The following MED12L variants were observed in gnomAD, a reference collection of about 807,000 sequenced individuals.
MED12L encodes mediator of RNA polymerase II transcription subunit 12-like protein.
A neutral mutation model predicts 281.3 loss-of-function variants in MED12L; 60 were observed. That is an observed-to-expected ratio of 0.21 (90% CI 0.17 to 0.26). MED12L has a LOEUF of 0.26. Ranked by LOEUF, MED12L falls within the 10% of genes least tolerant of loss-of-function variation. The probability of loss-of-function intolerance (pLI) is 1.00; values close to 1 mark genes in which losing one functional copy is unlikely to be tolerated. For synonymous variants in MED12L, 974 were observed against 987.2 expected (o/e 0.99, Z 0.25); for missense variants, 2,146 against 2,680.9 (o/e 0.80, Z 4.41).
Position 151,156,025 on chromosome 3 carries a change from A to G in MED12L, c.557-136A>G, listed in dbSNP as rs139672130. On this transcript the variant is annotated intron_variant, in intron 5 of 44. Transcript: ENST00000687756. ...ATCCTTTTCTGAGCACTGCTTGTAC[A>G]GGCACAGATCATTTTTAGGGAGCAG... 1.1e-5 allele frequency: 8 copies of G among 724,378 alleles called. No individual in the cohort carries two copies. In the East Asian group the frequency reaches 2.4e-4, roughly 22 times the overall value. 44.9% of individuals were successfully genotyped at this position (724,378 alleles called of 1,614,324 possible).
chr3:151,114,956 T>G (rs1011136135), intron 2 of MED12L, among the ~76,000 whole-genome samples: 4 of 152,160 alleles, frequency 2.6e-5, no homozygotes, highest in Admixed American at 2.6e-4. Context: ...AGTCTAGGAT[T>G]TAGAAGATAG....
chr3:151,333,405 C>G (rs1750571471), intron 16 of MED12L, among the ~76,000 whole-genome samples: 1 of 152,166 alleles, frequency 6.6e-6, no homozygotes, highest in Admixed American at 6.5e-5. Flanking sequence ...TCACCAGTAT[C>G]TGTTATTTTT....
chr3:151,168,162 A>G (rs1443397217), intron 11 of MED12L, among the ~76,000 whole-genome samples: 1 of 152,200 alleles, frequency 6.6e-6, no homozygotes, highest in Non-Finnish European at 1.5e-5. Context: ...GAATGAAATC[A>G]CACTGTGAGG....
At chr3:151,211,396 T>C (rs1408517423) in intron 16 of MED12L, among the ~76,000 whole-genome samples, 1 of 140,572 alleles carries the variant, frequency 7.1e-6, no homozygotes, top group Non-Finnish European at 1.5e-5. Context: ...TTTTTGTTTT[T>C]TGTTTTTTTT....
At position 151,158,881 on chromosome 3, in the gene MED12L, G is replaced by A. The variant is rs115859325; in HGVS notation, c.837+82G>A. ...AAGAATGATTAGGTAAGTGGAAGAGGAAAAGGAAAAAATATCCTGTTGAAA... is the reference window on the plus strand; with the variant it reads ...AAGAATGATTAGGTAAGTGGAAGAGAAAAAGGAAAAAATATCCTGTTGAAA... On this transcript the variant is annotated intron_variant, in intron 7 of 44. Coordinates refer to ENST00000687756, the MANE Select transcript of MED12L (RefSeq NM_001393769.1). 1.5e-3 allele frequency: 1,307 copies of A among 890,602 alleles called. 10 individuals are homozygous for A. The African/African-American group carries it at 0.02, about 14-fold the overall frequency. 55.2% of individuals were successfully genotyped at this position (890,602 alleles called of 1,614,324 possible).
chr3:151,364,822 C>A (rs936880694), intron 21 of MED12L, among the ~76,000 whole-genome samples, 157 bp from the exon 22 acceptor site: 3 of 152,006 alleles, frequency 2.0e-5, no homozygotes, highest in African/African-American at 4.8e-5. Context: ...CTTTGATTAG[C>A]GCCAATTAGT....
chr3:151,325,470 T>TG (rs1749485183), intron 16 of MED12L, among the ~76,000 whole-genome samples: 1 of 152,234 alleles, frequency 6.6e-6, no homozygotes, highest in Non-Finnish European at 1.5e-5. Context: ...TGTAGCATCT[T>TG]GTTTTTTTTA....
At chr3:151,273,227 C>CTTTTTTT (rs63035061) in intron 16 of MED12L, among the ~76,000 whole-genome samples, 3 of 106,164 alleles carry the variant, frequency 2.8e-5, no homozygotes, top group Non-Finnish European at 3.8e-5. Context: ...TTGTTGTGTT[C>CTTTTTTT]TTTTTTTTTT....
rs1184367238 is a variant in MED12L, at chr3:151,368,737, T to TTCATG, written c.3550+490_3550+491insGTCAT. Among the ~76,000 whole-genome samples the TTCATG allele has an allele frequency of 7.5e-3, 575 of 77,158 alleles. 32 individuals carry two copies. Among genetic ancestry groups the TTCATG allele is most frequent in the Middle Eastern group, 0.012 (2 of 172 alleles). 50.6% of individuals were successfully genotyped at this position (77,158 alleles called of 152,430 possible). A position where few individuals can be genotyped will look rare whatever the true frequency, so the allele number is the denominator to read the frequency against. On this transcript the variant is annotated intron_variant, in intron 25 of 44. Transcript: ENST00000687756. ...TTCATTTCATTTCATTTCATTTCAT[T>TTCATG]TCATTTCATTTCATGTCATTTCATT...
At chr3:151,370,592 T>A (rs1756053844) in intron 26 of MED12L, among the ~76,000 whole-genome samples, 1 of 152,186 alleles carries the variant, frequency 6.6e-6, no homozygotes, top group Non-Finnish European at 1.5e-5. Flanking sequence ...CTTATAGATT[T>A]ATACAGCCAA....
At chr3:151,413,784 C>T (rs1435628126) in intron 42 of MED12L, among the ~76,000 whole-genome samples, 1 of 152,032 alleles carries the variant, frequency 6.6e-6, no homozygotes. Context: ...GATATTTCAT[C>T]TTGTCTTTGT....
intron 16 of MED12L, among the ~76,000 whole-genome samples, chr3:151,204,448 T>A (rs532799887): frequency 5.6e-4 from 86 of 152,318 alleles, no homozygotes; most frequent in African/African-American, 1.6e-3. Flanking sequence ...CATATAATTA[T>A]TATTTTTGCC....
At position 151,416,314 on chromosome 3, in the gene MED12L, GCAGCAGCCCCAGCAGCCC is replaced by G; in HGVS notation, c.6305_6322del (p.Gln2102_Gln2107del). 6.2e-7 allele frequency: 1 copy of G among 1,613,034 alleles called. No homozygotes were observed. The highest frequency in any genetic ancestry group is 8.5e-7 in the Non-Finnish European group (1 of 1,179,840). On this transcript the variant is annotated inframe_deletion, in exon 43 of 45. Transcript: ENST00000687756. Reference sequence around the variant, plus strand: ...TAACATTTTTACCCTCTTTCCAGATGCAGCAGCCCCAGCAGCCCCAGCCCCAGCAGCCTCCCCAGCCCC... The same window carrying G: ...TAACATTTTTACCCTCTTTCCAGATGCAGCCCCAGCAGCCTCCCCAGCCCC...
At chr3:151,188,185 A>T in intron 12 of MED12L, 169 bp from the exon 13 acceptor site, 1 of 480,486 alleles carries the variant, frequency 2.1e-6, no homozygotes, top group South Asian at 3.6e-5. Context: ...ACTTGGATGG[A>T]GAAATTATAT....
chr3:151,241,793 C>G lies in MED12L; in HGVS notation c.2250+48127C>G, dbSNP rs546494859. On this transcript the variant is annotated intron_variant, in intron 16 of 44. Coordinates refer to ENST00000687756, the MANE Select transcript of MED12L (RefSeq NM_001393769.1). Reference sequence around the variant, plus strand: ...AATTAGGGGAGGAGCCAAGATGGCCCAATAGGAACAGCTCCGGTCTACAGC... The same window carrying G: ...AATTAGGGGAGGAGCCAAGATGGCCGAATAGGAACAGCTCCGGTCTACAGC... 2.2e-3 allele frequency: 332 copies of G among 153,780 alleles called. 2 individuals carry two copies. The highest frequency in any genetic ancestry group is 3.7e-3 in the South Asian group (18 of 4,888). 9.5% of individuals were successfully genotyped at this position (153,780 alleles called of 1,614,324 possible).
chr3:151,417,494 T>TTA (rs1717746826), intron 43 of MED12L, among the ~76,000 whole-genome samples: 1 of 137,096 alleles, frequency 7.3e-6, no homozygotes, highest in Non-Finnish European at 1.5e-5. Context: ...CGCCTTTTTT[T>TTA]TTTTTTTTTT....
chr3:151,097,859 C>T (rs1004598383), intron 2 of MED12L, among the ~76,000 whole-genome samples: 3 of 152,158 alleles, frequency 2.0e-5, no homozygotes, highest in Admixed American at 1.3e-4. Flanking sequence ...GAGTGATGGA[C>T]TTGTAAATGA....
At chr3:151,287,170 A>G (rs1458366540) in intron 16 of MED12L, among the ~76,000 whole-genome samples, 1 of 152,256 alleles carries the variant, frequency 6.6e-6, no homozygotes, top group Non-Finnish European at 1.5e-5. Context: ...AAGAGTATGC[A>G]AAAGACTGGC....
At chr3:151,386,108 C>T (rs2108184763) in intron 36 of MED12L, among the ~76,000 whole-genome samples, 1 of 152,022 alleles carries the variant, frequency 6.6e-6, no homozygotes, top group East Asian at 1.9e-4. Context: ...AATTGTGGTA[C>T]AAATAAAGGG....
Sources: gnomAD v4.1 joint callset for allele counts (sites outside exome capture counted in the v4.1 genomes callset) on GRCh38, gnomAD v4.1.1 for gene constraint, MANE v1.5 for transcripts, NCBI Gene and HGNC (gene_info 2026-07-23, HGNC 2026-07-21) for gene names.